Variants in PRMT3 observed in about 807,000 individuals in gnomAD.
The protein encoded by PRMT3 is protein arginine N-methyltransferase 3.
Under a neutral mutation model 71.9 loss-of-function variants are expected in PRMT3, and 62 were observed. The observed-to-expected ratio is 0.86, with a 90% CI of 0.70 to 1.07. PRMT3 has a LOEUF of 1.07. Among genes scored for constraint, PRMT3 ranks in the 50% least tolerant of loss-of-function variants. The pLI is 0.00. For missense variants in PRMT3, 663 were observed against 643.0 expected, an observed-to-expected ratio of 1.03 and a Z score of -0.34; for synonymous variants, 213 against 220.4, an observed-to-expected ratio of 0.97 and a Z score of 0.30.
At chr11:20,468,165 A>C (rs544565704) in intron 13 of PRMT3, among the ~76,000 whole-genome samples, 19 of 152,344 alleles carry the variant, frequency 1.2e-4, no homozygotes, top group African/African-American at 3.6e-4. Context: ...TAAGAGGAAG[A>C]GATTGGGCTT....
chr11:20,416,407 C>G (rs1849305696), intron 9 of PRMT3, among the ~76,000 whole-genome samples: 1 of 152,142 alleles, frequency 6.6e-6, no homozygotes, highest in Admixed American at 6.6e-5. Context: ...GGAATGTAAA[C>G]TTTACTAAAA....
intron 15 of PRMT3, among the ~76,000 whole-genome samples, chr11:20,504,511 T>A (rs1328442381): frequency 6.6e-6 from 1 of 152,222 alleles, no homozygotes; most frequent in Non-Finnish European, 1.5e-5. Context: ...GAAAGCCTGT[T>A]AGGATTTTGA....
chr11:20,428,190 GAA>G (rs1442085740), intron 10 of PRMT3, among the ~76,000 whole-genome samples: 2 of 152,096 alleles, frequency 1.3e-5, no homozygotes, highest in African/African-American at 4.8e-5. Context: ...CTCATGAATT[GAA>G]AGAGTAGATA....
At chr11:20,396,023 G>A in intron 6 of PRMT3, 61 bp downstream of exon 6, 1 of 1,488,302 alleles carries the variant, frequency 6.7e-7, no homozygotes. Flanking sequence ...CAACCTAATG[G>A]CAAAGTAGAA....
At chr11:20,467,859 A>G (rs1040133160) in intron 13 of PRMT3, among the ~76,000 whole-genome samples, 4 of 152,172 alleles carry the variant, frequency 2.6e-5, no homozygotes, top group Non-Finnish European at 5.9e-5. Flanking sequence ...GGTGTTCATT[A>G]TTTGTGAATC....
chr11:20,471,377 T>A (rs1215392768), intron 13 of PRMT3, among the ~76,000 whole-genome samples: 1 of 152,238 alleles, frequency 6.6e-6, no homozygotes, highest in African/African-American at 2.4e-5. Flanking sequence ...TAATCCATTT[T>A]GAGTTAATTT....
At chr11:20,433,555 A>G (rs1346690455) in intron 10 of PRMT3, among the ~76,000 whole-genome samples, 1 of 152,006 alleles carries the variant, frequency 6.6e-6, no homozygotes, top group Admixed American at 6.6e-5. Flanking sequence ...TGGTAGAATG[A>G]TTTTTATTTC....
chr11:20,455,414 G>A (rs1850246566), intron 11 of PRMT3, among the ~76,000 whole-genome samples: 1 of 152,122 alleles, frequency 6.6e-6, no homozygotes, highest in East Asian at 1.9e-4. Flanking sequence ...TAAATTGAGT[G>A]ATGAGGTTGG....
intron 9 of PRMT3, among the ~76,000 whole-genome samples, chr11:20,423,917 G>A (rs1849482640): frequency 6.9e-6 from 1 of 145,412 alleles, no homozygotes; most frequent in Non-Finnish European, 1.5e-5. Context: ...AGGCGCGGTG[G>A]CTGACGCCTG....
intron 3 of PRMT3, among the ~76,000 whole-genome samples, chr11:20,391,284 T>C (rs1848708858): frequency 6.6e-6 from 1 of 152,076 alleles, no homozygotes; most frequent in Non-Finnish European, 1.5e-5. Flanking sequence ...TCGCTCTTGT[T>C]GCCCAGGCTG....
intron 15 of PRMT3, among the ~76,000 whole-genome samples, chr11:20,496,151 A>T (rs1280294715): frequency 1.3e-5 from 2 of 152,226 alleles, no homozygotes; most frequent in African/African-American, 4.8e-5. Context: ...GAAGGGAAAA[A>T]TTGGAAATAA....
intron 13 of PRMT3, among the ~76,000 whole-genome samples, chr11:20,486,692 T>C (rs559311056): frequency 1.6e-4 from 24 of 152,212 alleles, no homozygotes; most frequent in Admixed American, 7.9e-4. Flanking sequence ...ATGATGACAT[T>C]ATCACTGTGC....
At chr11:20,395,571 T>C (rs1331420939) in intron 5 of PRMT3, among the ~76,000 whole-genome samples, 1 of 152,014 alleles carries the variant, frequency 6.6e-6, no homozygotes, top group Non-Finnish European at 1.5e-5. Context: ...CAGGCTGGTC[T>C]TGAACTGTTG....
intron 8 of PRMT3, chr11:20,406,327 T>G (rs1849069066): frequency 6.6e-6 from 1 of 152,220 alleles, no homozygotes; most frequent in East Asian, 1.9e-4. Flanking sequence ...CAATTTGTTT[T>G]CCCGAATGTT....
intron 6 of PRMT3, among the ~76,000 whole-genome samples, chr11:20,397,051 A>G (rs542556212): frequency 1.3e-4 from 20 of 152,156 alleles, no homozygotes; most frequent in African/African-American, 4.6e-4. Flanking sequence ...GCCCCTTTGA[A>G]CTTCTCCCTT....
rs574007746 is a variant in PRMT3, at chr11:20,485,615, A to G, written c.1348-8304A>G. Among the ~76,000 whole-genome samples, 225 of 152,282 alleles carry G rather than the reference A, an allele frequency of 1.5e-3. 1 individual carries two copies. Among genetic ancestry groups the G allele is most frequent in the African/African-American group, 5.2e-3 (215 of 41,564 alleles). ...AGAGAAGATCTGCGAACTGGATTTT[A>G]GGGCAGAAGAAAATGTCCAGAAAGA... On this transcript the variant is annotated intron_variant, in intron 13 of 15. Coordinates refer to ENST00000331079, the MANE Select transcript of PRMT3 (RefSeq NM_005788.4).
intron 10 of PRMT3, among the ~76,000 whole-genome samples, chr11:20,435,309 C>T (rs1405939888): frequency 2.0e-5 from 3 of 152,168 alleles, no homozygotes; most frequent in East Asian, 3.9e-4. Flanking sequence ...TCAAGCAATC[C>T]TTCCACCCCA....
intron 13 of PRMT3, among the ~76,000 whole-genome samples, chr11:20,468,954 A>T (rs1363701570): frequency 6.6e-6 from 1 of 152,142 alleles, no homozygotes; most frequent in East Asian, 1.9e-4. Context: ...AACAGACTTT[A>T]TATTTTAGGA....
intron 9 of PRMT3, among the ~76,000 whole-genome samples, chr11:20,426,257 G>A (rs890743150): frequency 1.3e-5 from 2 of 152,162 alleles, no homozygotes; most frequent in Non-Finnish European, 1.5e-5. Context: ...GACGTAAATA[G>A]GGTCGGTATT....
Sources: allele counts gnomAD v4.1 joint callset (sites outside exome capture counted in the v4.1 genomes callset), GRCh38; gene constraint gnomAD v4.1.1; transcripts MANE v1.5; gene names NCBI Gene and HGNC (gene_info 2026-07-23, HGNC 2026-07-21).